AP4S1: variants seen among roughly 807,000 people sequenced by gnomAD.
AP4S1 encodes adaptor related protein complex 4 subunit sigma 1.
AP4S1 carries 23 observed loss-of-function variants against 19.8 expected under a neutral mutation model. The ratio of observed to expected loss-of-function variants is 1.16; its 90% CI spans 0.84 to 1.65. AP4S1 has a LOEUF of 1.65. Among genes scored for constraint, AP4S1 ranks in the 40% most tolerant of loss-of-function variants. The pLI is 0.00. For missense variants in AP4S1, 166 were observed against 172.8 expected (o/e 0.96, Z 0.22); for synonymous variants, 46 against 54.1 (o/e 0.85, Z 0.66).
At chr14:31,069,745 ATGTT>A in intron 2 of AP4S1, 94 bp from the exon 3 acceptor site, 1 of 909,128 alleles carries the variant, frequency 1.1e-6, no homozygotes, top group Middle Eastern at 2.2e-4. Context: ...ATTTCTAGGA[ATGTT>A]TGTCGGGTAA....
In AP4S1 at chr14:31,058,718, C is replaced by G. The variant is rs115372776; in HGVS notation, c.-71-7408C>G. On this transcript the variant is annotated intron_variant, in intron 1 of 5. Coordinates refer to ENST00000542754, the MANE Select transcript of AP4S1 (RefSeq NM_001128126.3). ...AAGTAGCTGGGACTATAGGTACACA[C>G]CGCGATGCCTGGCTTTTTTTTTTTT... Among the ~76,000 whole-genome samples, 961 of 151,908 alleles carry G rather than the reference C, an allele frequency of 6.3e-3. 7 individuals carry two copies. Among genetic ancestry groups the G allele is most frequent in the African/African-American group, 0.021 (890 of 41,412 alleles).
chr14:31,068,379 T>G lies in AP4S1; in HGVS notation c.139-1464T>G, dbSNP rs531399880. Among the ~76,000 whole-genome samples, 19 of 152,320 alleles carry G rather than the reference T, an allele frequency of 1.2e-4. No individual in the cohort carries two copies. The South Asian group carries it at 3.5e-3, about 28-fold the overall frequency. On this transcript the variant is annotated intron_variant, in intron 2 of 5. Coordinates refer to ENST00000542754, the MANE Select transcript of AP4S1 (RefSeq NM_001128126.3). ...ATCATCAAATATTAAACCACATCAG[T>G]GCTCAGAAATAACATGGTACAAATG... is the stretch of plus-strand genomic sequence containing the variant.
chr14:31,077,518 T>C (rs1421480300), intron 4 of AP4S1, among the ~76,000 whole-genome samples: 3 of 152,146 alleles, frequency 2.0e-5, no homozygotes, highest in African/African-American at 7.2e-5. Context: ...GTCTGATTCC[T>C]GGACCATTAG....
At chr14:31,035,123 AG>A (rs1884651752) in intron 1 of AP4S1, among the ~76,000 whole-genome samples, 1 of 151,278 alleles carries the variant, frequency 6.6e-6, no homozygotes, top group African/African-American at 2.4e-5. Flanking sequence ...TTAACAGATT[AG>A]GAGTTTTTGC....
chr14:31,084,723 A>C, intron 5 of AP4S1: 1 of 1,613,014 alleles, frequency 6.2e-7, no homozygotes, highest in Non-Finnish European at 8.5e-7. Context: ...ACCTTGGTAG[A>C]TTTATTTAAG....
chr14:31,057,062 A>G (rs759927293), intron 1 of AP4S1, among the ~76,000 whole-genome samples: 25 of 152,180 alleles, frequency 1.6e-4, no homozygotes, highest in Non-Finnish European at 2.8e-4. Context: ...TGACAGAGTA[A>G]GACCCTGTCT....
chr14:31,077,180 G>A (rs1023024987), intron 4 of AP4S1, among the ~76,000 whole-genome samples: 12 of 151,952 alleles, frequency 7.9e-5, no homozygotes, highest in African/African-American at 1.7e-4. Context: ...CAGGTGATCC[G>A]CCCGCCTCAG....
intron 3 of AP4S1, among the ~76,000 whole-genome samples, chr14:31,070,818 A>C (rs964182338): frequency 2.6e-5 from 4 of 152,154 alleles, no homozygotes; most frequent in African/African-American, 2.4e-5. Context: ...TTTGGGAGGC[A>C]GAGGTGGGCA....
intron 1 of AP4S1, among the ~76,000 whole-genome samples, chr14:31,028,916 T>G (rs1884215761): frequency 6.6e-6 from 1 of 152,128 alleles, no homozygotes; most frequent in Admixed American, 6.5e-5. Flanking sequence ...AAACCATTTG[T>G]GAGAATGGTT....
rs2139135081 is a variant in AP4S1, at chr14:31,096,151, A to T, written c.*3116A>T. 1 of 151,932 alleles carries T rather than the reference A, an allele frequency of 6.6e-6. No individual in the cohort carries two copies. 9.4% of individuals were successfully genotyped at this position (151,932 alleles called of 1,614,324 possible). The stretch of plus-strand genomic sequence containing the variant: ...AGTGTCTCTGTACAGGTAGGCATGA[A>T]ATGAATCCTTCTCTTCCTCCCCTTT... On this transcript the variant is annotated 3_prime_UTR_variant, in exon 6 of 6. Transcript: ENST00000542754.
intron 4 of AP4S1, among the ~76,000 whole-genome samples, chr14:31,076,232 T>G (rs1409856691): frequency 1.3e-5 from 2 of 152,220 alleles, no homozygotes; most frequent in African/African-American, 4.8e-5. Flanking sequence ...ACTGCCAAAC[T>G]GTTTTCCAAA....
intron 1 of AP4S1, among the ~76,000 whole-genome samples, chr14:31,039,767 T>G (rs2139444624): frequency 6.6e-6 from 1 of 151,856 alleles, no homozygotes; most frequent in African/African-American, 2.4e-5. Flanking sequence ...ATTTTTGTAT[T>G]TTTAGTAGAG....
At chr14:31,048,529 C>A (rs1885550836) in intron 1 of AP4S1, among the ~76,000 whole-genome samples, 4 of 151,792 alleles carry the variant, frequency 2.6e-5, no homozygotes, top group Admixed American at 2.6e-4. Flanking sequence ...AAGTTAGAGA[C>A]CTGCCTGGAC....
chr14:31,050,997 T>C (rs1413845511), intron 1 of AP4S1, among the ~76,000 whole-genome samples: 1 of 152,076 alleles, frequency 6.6e-6, no homozygotes, highest in Admixed American at 6.6e-5. Context: ...GGCCCATGAC[T>C]GTATTCCAGC....
intron 1 of AP4S1, among the ~76,000 whole-genome samples, chr14:31,063,218 G>T (rs965605560): frequency 5.3e-5 from 8 of 152,202 alleles, no homozygotes; most frequent in South Asian, 4.2e-4. Context: ...ATCACTTGAG[G>T]TCAGGAGTTC....
At chr14:31,091,546 C>T (rs1329630939) in intron 5 of AP4S1, among the ~76,000 whole-genome samples, 4 of 147,534 alleles carry the variant, frequency 2.7e-5, no homozygotes, top group Non-Finnish European at 4.5e-5. Flanking sequence ...TTTTCTGGGT[C>T]ACTTAAGGAC....
intron 1 of AP4S1, among the ~76,000 whole-genome samples, chr14:31,052,688 A>G (rs1885864527): frequency 6.7e-6 from 1 of 148,308 alleles, no homozygotes; most frequent in East Asian, 2.1e-4. Flanking sequence ...AAATTGTGCC[A>G]TTGCACTCCA....
intron 1 of AP4S1, among the ~76,000 whole-genome samples, chr14:31,040,826 A>G (rs1204570366): frequency 6.6e-6 from 1 of 152,098 alleles, no homozygotes; most frequent in South Asian, 2.1e-4. Context: ...ATGATAGGCC[A>G]GTTTTCTTTG....
chr14:31,061,907 G>A (rs1019050786), intron 1 of AP4S1, among the ~76,000 whole-genome samples: 5 of 151,374 alleles, frequency 3.3e-5, no homozygotes, highest in African/African-American at 1.2e-4. Flanking sequence ...CCCAAATTCG[G>A]TGCTGGGATT....
Sources: gnomAD v4.1 joint callset for allele counts (sites outside exome capture counted in the v4.1 genomes callset) on GRCh38, gnomAD v4.1.1 for gene constraint, MANE v1.5 for transcripts, NCBI Gene and HGNC (gene_info 2026-07-23, HGNC 2026-07-21) for gene names.